Variants in PARD3 observed in about 807,000 individuals in gnomAD.
PARD3 encodes partitioning defective 3 homolog.
PARD3 carries 75 observed loss-of-function variants against 155.4 expected under a neutral mutation model. The ratio of observed to expected loss-of-function variants is 0.48; its 90% CI spans 0.40 to 0.58. The LOEUF is 0.58. PARD3 is among the 20% of genes least tolerant of loss of function. PARD3 has a pLI of 0.00. For missense variants in PARD3, 1,642 were observed against 1,721.7 expected (o/e 0.95, Z 0.82); for synonymous variants, 576 against 610.5 (o/e 0.94, Z 0.83).
At chr10:34,279,141 C>CTTT (rs143467605) in intron 21 of PARD3, among the ~76,000 whole-genome samples, 8,743 of 101,932 alleles carry the variant, frequency 0.086, 1,180 homozygotes, top group African/African-American at 0.26. Context: ...ATATTTTTTC[C>CTTT]TTTTTTTTTT....
intron 2 of PARD3, among the ~76,000 whole-genome samples, chr10:34,651,090 T>C (rs1453464453): frequency 2.1e-5 from 3 of 142,538 alleles, no homozygotes; most frequent in Admixed American, 7.2e-5. Flanking sequence ...CTTCACTTCA[T>C]GGTGGCGAAG....
chr10:34,655,243 G>A (rs1026436961), intron 2 of PARD3, among the ~76,000 whole-genome samples: 3 of 151,918 alleles, frequency 2.0e-5, no homozygotes, highest in African/African-American at 7.3e-5. Context: ...AGTGGAGTTC[G>A]AATTGTATGC....
intron 2 of PARD3, among the ~76,000 whole-genome samples, chr10:34,628,067 A>G (rs1311772787): frequency 2.6e-5 from 4 of 152,176 alleles, no homozygotes; most frequent in African/African-American, 9.7e-5. Flanking sequence ...CACAGCCATG[A>G]TGAAGGAACC....
chr10:34,577,109 G>C (rs988595064), intron 2 of PARD3, among the ~76,000 whole-genome samples: 4 of 152,208 alleles, frequency 2.6e-5, no homozygotes, highest in Admixed American at 6.5e-5. Flanking sequence ...ACTAGGCAAA[G>C]AGGAATGGTT....
intron 2 of PARD3, among the ~76,000 whole-genome samples, chr10:34,569,896 CA>C (rs35199552): frequency 0.028 from 3,722 of 132,438 alleles, 131 homozygotes; most frequent in African/African-American, 0.1. Context: ...CCTACTCAAG[CA>C]AAAAAAAAAA....
chr10:34,422,605 G>A (rs950184683), intron 5 of PARD3, among the ~76,000 whole-genome samples: 3 of 151,354 alleles, frequency 2.0e-5, no homozygotes, highest in South Asian at 2.1e-4. Flanking sequence ...CAAATAACTC[G>A]ATTTAAAAAT....
At chr10:34,482,759 A>C (rs993492424) in intron 3 of PARD3, among the ~76,000 whole-genome samples, 18 of 152,268 alleles carry the variant, frequency 1.2e-4, no homozygotes, top group African/African-American at 4.1e-4. Flanking sequence ...GGGGAATATA[A>C]GGTGGAAAGA....
rs557241165 is a variant in PARD3, at chr10:34,707,491, C to T, written c.121-11072G>A. Reference sequence around the variant, plus strand: ...CCACCTATTTATACATTTAAACTAGCCCTCCAGGTGTTTCTGATGCACACT... The same window carrying T: ...CCACCTATTTATACATTTAAACTAGTCCTCCAGGTGTTTCTGATGCACACT... On this transcript the variant is annotated intron_variant, in intron 1 of 24. Transcript: ENST00000374788. Among the ~76,000 whole-genome samples, 36 of 152,224 alleles carry T rather than the reference C, an allele frequency of 2.4e-4. No homozygotes were observed. In the South Asian group the frequency reaches 7.5e-3, roughly 32 times the overall value.
chr10:34,492,392 C>T (rs1462488415), intron 3 of PARD3, among the ~76,000 whole-genome samples: 3 of 152,166 alleles, frequency 2.0e-5, no homozygotes, highest in African/African-American at 7.2e-5. Flanking sequence ...TCACGCATGG[C>T]TCTAGTTTCC....
intron 15 of PARD3, chr10:34,346,284 T>C: frequency 2.4e-6 from 3 of 1,233,250 alleles, no homozygotes; most frequent in African/African-American, 1.6e-5. Context: ...TCAACTCATA[T>C]ATACAGCATT....
chr10:34,508,404 A>T (rs1263417442), intron 3 of PARD3, among the ~76,000 whole-genome samples: 2 of 152,202 alleles, frequency 1.3e-5, no homozygotes, highest in African/African-American at 4.8e-5. Flanking sequence ...TTTTCAAAGG[A>T]AACTTCATTC....
intron 2 of PARD3, among the ~76,000 whole-genome samples, chr10:34,573,725 AAACAAACAAAAACACAC>A (rs2086630255): frequency 8.9e-6 from 1 of 112,848 alleles, no homozygotes; most frequent in South Asian, 2.8e-4. Context: ...ACAAACAAAC[AAACAAACAAAAACACAC>A]ACACACACAC....
At chr10:34,160,262 T>A (rs575099388) in intron 22 of PARD3, among the ~76,000 whole-genome samples, 2 of 152,328 alleles carry the variant, frequency 1.3e-5, no homozygotes, top group South Asian at 4.1e-4. Context: ...GGAAAAACTT[T>A]GATTCTTAAA....
chr10:34,616,226 A>C (rs1003278525), intron 2 of PARD3, among the ~76,000 whole-genome samples: 9 of 152,122 alleles, frequency 5.9e-5, no homozygotes, highest in Admixed American at 2.0e-4. Context: ...CTGAGGCACA[A>C]GAATTGTTTG....
chr10:34,493,823 A>G (rs539589872), intron 3 of PARD3, among the ~76,000 whole-genome samples: 1 of 152,306 alleles, frequency 6.6e-6, no homozygotes, highest in South Asian at 2.1e-4. Context: ...AAAAATCTTC[A>G]CGTTCGAATT....
chr10:34,666,816 T>TATATATATATATATATATATATAC (rs765552982), intron 2 of PARD3, among the ~76,000 whole-genome samples: 86 of 88,738 alleles, frequency 9.7e-4, no homozygotes, highest in Non-Finnish European at 1.5e-3. Context: ...TATATATATA[T>TATATATATATATATATATATATAC]ACACACACAC....
intron 1 of PARD3, among the ~76,000 whole-genome samples, chr10:34,704,538 G>A (rs1187486002): frequency 6.6e-6 from 1 of 152,032 alleles, no homozygotes; most frequent in African/African-American, 2.4e-5. Context: ...AGTGAAATAG[G>A]GTTAAACCTT....
At chr10:34,703,410 G>A (rs2094313654) in intron 1 of PARD3, among the ~76,000 whole-genome samples, 1 of 150,720 alleles carries the variant, frequency 6.6e-6, no homozygotes, top group African/African-American at 2.4e-5. Context: ...AATACTAAGA[G>A]CTCAATAGGA....
intron 4 of PARD3, among the ~76,000 whole-genome samples, chr10:34,469,391 G>A (rs1035033423): frequency 2.0e-5 from 3 of 152,134 alleles, no homozygotes; most frequent in Non-Finnish European, 4.4e-5. Flanking sequence ...TTATAGGTGG[G>A]AGCCACCACG....
Sources: allele counts gnomAD v4.1 joint callset (sites outside exome capture counted in the v4.1 genomes callset), GRCh38; gene constraint gnomAD v4.1.1; transcripts MANE v1.5; gene names NCBI Gene and HGNC (gene_info 2026-07-23, HGNC 2026-07-21).